Variants in MBNL3 observed in about 807,000 individuals in gnomAD.
The protein encoded by MBNL3 is muscleblind-like protein 3.
A neutral mutation model predicts 24.5 loss-of-function variants in MBNL3; 6 were observed. The ratio of observed to expected loss-of-function variants is 0.25; its 90% CI spans 0.13 to 0.48. The LOEUF is 0.48. Ranked by LOEUF, MBNL3 falls within the 20% of genes least tolerant of loss-of-function variation. The pLI is 0.99. For missense variants in MBNL3, 230 were observed against 293.5 expected (o/e 0.78, Z 1.58); for synonymous variants, 100 against 101.7 (o/e 0.98, Z 0.10).
At chrX:132,445,147 T>C (rs1160323763) in intron 1 of MBNL3, among the ~76,000 whole-genome samples, 6 of 112,153 alleles carry the variant, frequency 5.3e-5, no homozygotes, top group East Asian at 2.8e-4. Flanking sequence ...CAATGTTTTC[T>C]TTGTTTCCAT....
chrX:132,417,395 T>C (rs750093234), intron 2 of MBNL3, among the ~76,000 whole-genome samples: 12 of 111,672 alleles, frequency 1.1e-4, no homozygotes, highest in Admixed American at 1.9e-4. Context: ...AGAGAAGAAG[T>C]TGAAATATGA....
intron 2 of MBNL3, chrX:132,429,726 A>G (rs1041797322): frequency 8.9e-6 from 1 of 112,128 alleles, no homozygotes; most frequent in Non-Finnish European, 1.9e-5. Context: ...CATGTGGAGC[A>G]GCATGACTGT....
At chrX:132,449,915 T>G (rs1945975483) in intron 1 of MBNL3, among the ~76,000 whole-genome samples, 1 of 107,971 alleles carries the variant, frequency 9.3e-6, no homozygotes, top group Non-Finnish European at 1.9e-5. Flanking sequence ...TTTATGAAGC[T>G]TAGTTTGGCT....
intron 1 of MBNL3, among the ~76,000 whole-genome samples, chrX:132,455,501 T>C (rs1267938072): frequency 3.6e-5 from 4 of 111,810 alleles, no homozygotes; most frequent in Admixed American, 1.9e-4. Flanking sequence ...TCAAAGCCAG[T>C]GAGGGACAAA....
intron 3 of MBNL3, among the ~76,000 whole-genome samples, chrX:132,393,544 T>C (rs759632683): frequency 9.0e-6 from 1 of 111,616 alleles, no homozygotes; most frequent in Non-Finnish European, 1.9e-5. Context: ...TTCTTGTCAA[T>C]GTGGTTTTAT....
In MBNL3 at chrX:132,372,386, T is replaced by C. The variant is rs1488270657; in HGVS notation, c.*7280A>G. On this transcript the variant is annotated 3_prime_UTR_variant, in exon 9 of 9. Coordinates refer to ENST00000370853, the MANE Select transcript of MBNL3 (RefSeq NM_001386889.1). ...TATATTTAGGAAAATCCTTCAAAAGTTTTTTAATTTAAATCATTGTAATTT... is the reference window on the plus strand; with the variant it reads ...TATATTTAGGAAAATCCTTCAAAAGCTTTTTAATTTAAATCATTGTAATTT... 9.1e-6 allele frequency: 1 copy of C among 109,754 alleles called. No individual in the cohort carries two copies. Among genetic ancestry groups the C allele is most frequent in the Non-Finnish European group, 1.9e-5 (1 of 52,554 alleles). The allele number at this position is 109,754 out of a possible 1,213,427, so 9.0% of individuals were successfully genotyped here.
intron 3 of MBNL3, among the ~76,000 whole-genome samples, chrX:132,404,777 T>TAGG (rs1310934259): frequency 8.9e-6 from 1 of 112,231 alleles, no homozygotes; most frequent in African/African-American, 3.2e-5. Flanking sequence ...TATAATGAGA[T>TAGG]AGGCTTTACT....
intron 1 of MBNL3, among the ~76,000 whole-genome samples, chrX:132,447,061 A>C (rs1054120949): frequency 9.0e-6 from 1 of 111,077 alleles, no homozygotes; most frequent in Non-Finnish European, 1.9e-5. Flanking sequence ...ATGTTTGTAG[A>C]TGTATGGTGT....
In MBNL3 at chrX:132,371,446, A is replaced by C. The variant is rs890755324; in HGVS notation, c.*8220T>G. 1 of 112,453 alleles carries C rather than the reference A, an allele frequency of 8.9e-6. No homozygotes were observed. Among genetic ancestry groups the C allele is most frequent in the African/African-American group, 3.2e-5 (1 of 30,999 alleles). The allele number at this position is 112,453 out of a possible 1,213,427, so 9.3% of individuals were successfully genotyped here. ...ACTTTCTTAAAGAACAAAAATGATC[A>C]TCCTTTTATTACTGTGCCATTTGTT... On this transcript the variant is annotated 3_prime_UTR_variant, in exon 9 of 9. Coordinates refer to ENST00000370853, the MANE Select transcript of MBNL3 (RefSeq NM_001386889.1).
intron 1 of MBNL3, among the ~76,000 whole-genome samples, chrX:132,487,987 G>C (rs770781959): frequency 8.9e-6 from 1 of 111,744 alleles, no homozygotes; most frequent in Non-Finnish European, 1.9e-5. Context: ...CAGGGAGTCC[G>C]CTTAATAAAA....
chrX:132,480,747 C>T (rs1947685634), intron 1 of MBNL3, among the ~76,000 whole-genome samples: 1 of 111,263 alleles, frequency 9.0e-6, no homozygotes, highest in Non-Finnish European at 1.9e-5. Context: ...AATGAATGGT[C>T]CTCTCTCCGT....
intron 1 of MBNL3, among the ~76,000 whole-genome samples, chrX:132,477,480 A>C (rs926740515): frequency 8.9e-6 from 1 of 111,877 alleles, no homozygotes; most frequent in Non-Finnish European, 1.9e-5. Context: ...ACAGGAAGAG[A>C]CTTTTGGGAA....
At chrX:132,402,260 A>G (rs1482779350) in intron 3 of MBNL3, among the ~76,000 whole-genome samples, 2 of 112,466 alleles carry the variant, frequency 1.8e-5, no homozygotes, top group Admixed American at 9.4e-5. Flanking sequence ...GAGAGAAACT[A>G]GGGGAATTTC....
intron 2 of MBNL3, among the ~76,000 whole-genome samples, chrX:132,424,975 G>T (rs966675845): frequency 9.0e-6 from 1 of 111,644 alleles, no homozygotes; most frequent in South Asian, 3.8e-4. Flanking sequence ...TGGGAAAAAG[G>T]GGGAGACAGT....
At chrX:132,405,013 C>T (rs1237429292) in intron 3 of MBNL3, among the ~76,000 whole-genome samples, 1 of 111,726 alleles carries the variant, frequency 9.0e-6, no homozygotes, top group Non-Finnish European at 1.9e-5. Context: ...AGAAAAGGGA[C>T]AGTTTTCAAT....
chrX:132,462,184 C>T (rs893614216), intron 1 of MBNL3, among the ~76,000 whole-genome samples: 8 of 111,696 alleles, frequency 7.2e-5, no homozygotes, highest in African/African-American at 2.0e-4. Flanking sequence ...AAGTTTAAAT[C>T]TCAATCTCTT....
At chrX:132,383,726 T>C (rs751633658) in intron 7 of MBNL3, among the ~76,000 whole-genome samples, 4 of 112,006 alleles carry the variant, frequency 3.6e-5, no homozygotes, top group African/African-American at 1.3e-4. Context: ...TATGTGGTTG[T>C]CATTTTGAAC....
chrX:132,387,584 CAG>C (rs778794904), intron 5 of MBNL3, among the ~76,000 whole-genome samples: 14 of 111,421 alleles, frequency 1.3e-4, no homozygotes, highest in African/African-American at 3.6e-4. Flanking sequence ...GTTGGTAGAT[CAG>C]AGTCTGACAC....
chrX:132,429,592 T>C (rs766311765), intron 2 of MBNL3, among the ~76,000 whole-genome samples: 1 of 112,129 alleles, frequency 8.9e-6, no homozygotes, highest in Non-Finnish European at 1.9e-5. Flanking sequence ...TAATCTAAAT[T>C]ATCATGAATC....
Sources: gnomAD v4.1 joint callset for allele counts (sites outside exome capture counted in the v4.1 genomes callset) on GRCh38, gnomAD v4.1.1 for gene constraint, MANE v1.5 for transcripts, NCBI Gene and HGNC (gene_info 2026-07-23, HGNC 2026-07-21) for gene names.